The following AFG2A variants were observed in gnomAD, a reference collection of about 807,000 sequenced individuals.
AFG2A encodes the protein AAA ATPase AFG2A, also known as ATPase family gene 2 protein homolog A.
the AFG2A span, among the ~76,000 whole-genome samples, chr4:123,217,463 G>A: frequency 1.3e-5 from 2 of 151,892 alleles, no homozygotes; most frequent in Non-Finnish European, 2.9e-5. Context: ...ATGAGTTTCA[G>A]GAAAGAGGGA....
the AFG2A span, among the ~76,000 whole-genome samples, chr4:123,249,920 C>T: frequency 6.6e-6 from 1 of 152,002 alleles, no homozygotes; most frequent in African/African-American, 2.4e-5. Flanking sequence ...GAGCCGTTAC[C>T]AAAGATCCAC....
chr4:122,991,075 A>G, the AFG2A span, among the ~76,000 whole-genome samples: 1 of 152,214 alleles, frequency 6.6e-6, no homozygotes, highest in Non-Finnish European at 1.5e-5. Context: ...CTTAGTTGCC[A>G]TGGCTTGGGG....
the AFG2A span, among the ~76,000 whole-genome samples, chr4:123,206,211 T>A: frequency 1.3e-5 from 2 of 152,118 alleles, no homozygotes; most frequent in African/African-American, 4.8e-5. Flanking sequence ...CCTCCATACA[T>A]TCTTTTGTTT....
At chr4:123,199,776 C>T in the AFG2A span, among the ~76,000 whole-genome samples, 27 of 152,054 alleles carry the variant, frequency 1.8e-4, no homozygotes, top group African/African-American at 6.0e-4. Context: ...GGCCGATATA[C>T]TCAGAGTTCT....
chr4:123,100,126 A>G, the AFG2A span, among the ~76,000 whole-genome samples: 2 of 151,890 alleles, frequency 1.3e-5, no homozygotes, highest in African/African-American at 2.4e-5. Flanking sequence ...CCCATCTGAT[A>G]CACTGACACC....
chr4:123,064,687 A>G, the AFG2A span, among the ~76,000 whole-genome samples: 2 of 152,222 alleles, frequency 1.3e-5, no homozygotes, highest in African/African-American at 4.8e-5. Flanking sequence ...GATTTCCCAT[A>G]ACAACTTCTA....
the AFG2A span, among the ~76,000 whole-genome samples, chr4:122,985,175 G>T: frequency 6.6e-6 from 1 of 150,606 alleles, no homozygotes; most frequent in Non-Finnish European, 1.5e-5. Flanking sequence ...GACCAGACTG[G>T]AGTGCAATGG....
the AFG2A span, among the ~76,000 whole-genome samples, chr4:123,137,458 C>T: frequency 2.0e-5 from 3 of 152,232 alleles, no homozygotes; most frequent in African/African-American, 7.2e-5. Flanking sequence ...GTTGCACCCT[C>T]TACATCTCTT....
At chr4:123,224,286 G>A in the AFG2A span, among the ~76,000 whole-genome samples, 2 of 151,908 alleles carry the variant, frequency 1.3e-5, no homozygotes, top group South Asian at 2.1e-4. Flanking sequence ...ATGTATACAT[G>A]TGCCATGTTG....
the AFG2A span, among the ~76,000 whole-genome samples, chr4:123,002,133 C>CT: frequency 4.6e-5 from 7 of 151,880 alleles, no homozygotes; most frequent in Non-Finnish European, 1.0e-4. Flanking sequence ...CAAGCCCTGC[C>CT]TTTTTTTGTT....
chr4:123,007,642 A>C, the AFG2A span, among the ~76,000 whole-genome samples: 2 of 25,510 alleles, frequency 7.8e-5, no homozygotes, highest in Non-Finnish European at 1.0e-4. Flanking sequence ...ACACACACAC[A>C]ACACACACAC....
At chr4:123,266,584 T>C in the AFG2A span, among the ~76,000 whole-genome samples, 1 of 151,956 alleles carries the variant, frequency 6.6e-6, no homozygotes, top group Non-Finnish European at 1.5e-5. Context: ...TTTCATAGTT[T>C]ACATGCAGCA....
the AFG2A span, among the ~76,000 whole-genome samples, chr4:123,295,523 A>G: frequency 2.0e-5 from 3 of 152,282 alleles, no homozygotes; most frequent in Non-Finnish European, 2.9e-5. Flanking sequence ...ATAGCTCTCT[A>G]TATAGCCGTG....
chr4:122,988,831 GTTTT>G, the AFG2A span, among the ~76,000 whole-genome samples: 1 of 151,504 alleles, frequency 6.6e-6, no homozygotes, highest in African/African-American at 2.4e-5. Context: ...TTTTCTTTTT[GTTTT>G]TGTGACAAGA....
chr4:123,279,416 CAA>C, the AFG2A span, among the ~76,000 whole-genome samples: 10 of 147,010 alleles, frequency 6.8e-5, no homozygotes, highest in South Asian at 2.2e-4. Context: ...TCTCAAAAAA[CAA>C]AAAAAAAAAG....
the AFG2A span, among the ~76,000 whole-genome samples, chr4:123,259,083 T>C: frequency 6.6e-6 from 1 of 152,210 alleles, no homozygotes; most frequent in African/African-American, 2.4e-5. Context: ...GCCAGGCTGG[T>C]CTTGAACTCC....
At chr4:123,166,352 C>G in the AFG2A span, among the ~76,000 whole-genome samples, 6 of 152,178 alleles carry the variant, frequency 3.9e-5, no homozygotes, top group East Asian at 1.2e-3. Context: ...GCTTCCTGCC[C>G]TCAAACACTG....
chr4:123,246,763 T>C, the AFG2A span, among the ~76,000 whole-genome samples: 1 of 152,176 alleles, frequency 6.6e-6, no homozygotes, highest in Non-Finnish European at 1.5e-5. Flanking sequence ...CTGCCCTACA[T>C]GTGACCACAG....
At chr4:123,253,509 G>C in the AFG2A span, among the ~76,000 whole-genome samples, 4 of 150,436 alleles carry the variant, frequency 2.7e-5, no homozygotes, top group African/African-American at 9.7e-5. Context: ...AAATAGCTGG[G>C]CATGGTGGTG....
Sources: allele counts gnomAD v4.1 joint callset (sites outside exome capture counted in the v4.1 genomes callset), GRCh38; gene constraint gnomAD v4.1.1; transcripts MANE v1.5; gene names NCBI Gene and HGNC (gene_info 2026-07-23, HGNC 2026-07-21).